Variants in FNDC3A observed in about 807,000 individuals in gnomAD.
FNDC3A encodes the protein fibronectin type III domain containing 3A, also known as fibronectin type-III domain-containing protein 3A.
A neutral mutation model predicts 148.9 loss-of-function variants in FNDC3A; 32 were observed. The ratio of observed to expected loss-of-function variants is 0.21; its 90% CI spans 0.16 to 0.29. FNDC3A has a LOEUF of 0.29. FNDC3A is among the 10% of genes least tolerant of loss of function. The probability of loss-of-function intolerance (pLI) is 1.00; values close to 1 mark genes in which losing one functional copy is unlikely to be tolerated. For missense variants in FNDC3A, 1,191 were observed against 1,452.8 expected, an observed-to-expected ratio of 0.82 and a Z score of 2.93; for synonymous variants, 472 against 473.6, an observed-to-expected ratio of 1.00 and a Z score of 0.04.
intron 5 of FNDC3A, among the ~76,000 whole-genome samples, chr13:49,133,699 C>T (rs1346377145): frequency 1.3e-5 from 2 of 152,160 alleles, no homozygotes; most frequent in African/African-American, 2.4e-5. Flanking sequence ...ACTATGCTCA[C>T]ACATGTATTA....
chr13:48,979,902 T>G (rs1007525570), intron 1 of FNDC3A, among the ~76,000 whole-genome samples: 1 of 152,170 alleles, frequency 6.6e-6, no homozygotes, highest in South Asian at 2.1e-4. Context: ...ACAAGCCATC[T>G]GTGGACTGGA....
At chr13:49,136,143 A>G (rs1882342989) in intron 5 of FNDC3A, among the ~76,000 whole-genome samples, 189 bp from the exon 6 acceptor site, 1 of 152,196 alleles carries the variant, frequency 6.6e-6, no homozygotes, top group Non-Finnish European at 1.5e-5. Context: ...AGATATATAT[A>G]ATTAGAATAA....
At position 49,143,170 on chromosome 13, in the gene FNDC3A, A is replaced by G. The variant is rs555901532; in HGVS notation, c.820-2608A>G. On this transcript the variant is annotated intron_variant, in intron 7 of 25. Coordinates refer to ENST00000492622, the MANE Select transcript of FNDC3A (RefSeq NM_001079673.2). Reference sequence around the variant, plus strand: ...GGCATGAGCCCCTGTGCCCAGCCATAAGATCTTTTTAATAGAATGAGTTAG... The same window carrying G: ...GGCATGAGCCCCTGTGCCCAGCCATGAGATCTTTTTAATAGAATGAGTTAG... 3.3e-5 allele frequency among the ~76,000 whole-genome samples: 5 copies of G among 152,196 alleles called. No individual in the cohort carries two copies. In the East Asian group the frequency reaches 9.7e-4, roughly 29 times the overall value.
Position 49,092,026 on chromosome 13 carries a change from G to T in FNDC3A, c.175+16662G>T, listed in dbSNP as rs187605547. Among the ~76,000 whole-genome samples, 5 of 152,332 alleles carry T rather than the reference G, an allele frequency of 3.3e-5. No homozygotes were observed. The East Asian group carries it at 9.7e-4, about 29-fold the overall frequency. ...CAAAGGAGAGTTGTTATCTGCGGAA[G>T]ATGGCAGGGCCTTGCCCCAAAATCC... On this transcript the variant is annotated intron_variant, in intron 3 of 25. Transcript: ENST00000492622.
chr13:49,022,282 T>G (rs1040461558), intron 2 of FNDC3A, among the ~76,000 whole-genome samples: 1 of 152,090 alleles, frequency 6.6e-6, no homozygotes, highest in African/African-American at 2.4e-5. Flanking sequence ...TAAAGGTGCT[T>G]CCCCCTTTTT....
At chr13:49,086,510 AT>A (rs1333272148) in intron 3 of FNDC3A, among the ~76,000 whole-genome samples, 2 of 152,194 alleles carry the variant, frequency 1.3e-5, no homozygotes, top group East Asian at 3.8e-4. Flanking sequence ...TATTATAAGA[AT>A]TTTTTATAAG....
intron 7 of FNDC3A, among the ~76,000 whole-genome samples, chr13:49,141,272 GA>G (rs1434933773): frequency 2.0e-5 from 3 of 152,108 alleles, no homozygotes; most frequent in African/African-American, 7.2e-5. Flanking sequence ...GTTCTTCTTT[GA>G]AATTGTTCTC....
At chr13:49,048,796 G>A (rs1053516451) in intron 2 of FNDC3A, among the ~76,000 whole-genome samples, 1 of 152,032 alleles carries the variant, frequency 6.6e-6, no homozygotes, top group Non-Finnish European at 1.5e-5. Flanking sequence ...CACCAATTTG[G>A]ATGCCCTTTA....
chr13:49,118,587 G>T (rs916874473), intron 4 of FNDC3A, among the ~76,000 whole-genome samples: 10 of 152,240 alleles, frequency 6.6e-5, no homozygotes, highest in African/African-American at 2.4e-4. Context: ...ACAGAGCTCA[G>T]CAAGCTAAGA....
intron 3 of FNDC3A, among the ~76,000 whole-genome samples, chr13:49,094,670 T>C (rs1879408533): frequency 6.6e-6 from 1 of 152,032 alleles, no homozygotes; most frequent in Non-Finnish European, 1.5e-5. Flanking sequence ...ATTTAAGGAA[T>C]TCGATGAAGT....
Position 49,170,667 on chromosome 13 carries a change from G to A in FNDC3A, c.1177-1376G>A, listed in dbSNP as rs140668741. Among the ~76,000 whole-genome samples, 748 of 152,242 alleles carry A rather than the reference G, an allele frequency of 4.9e-3. 5 individuals are homozygous for A. Among genetic ancestry groups the A allele is most frequent in the African/African-American group, 0.017 (714 of 41,540 alleles). On this transcript the variant is annotated intron_variant, in intron 10 of 25. Transcript: ENST00000492622. ...TACTTTTAATGACTTTGTGATCTGG[G>A]ATGATTTATTTGGTTCTTTGAAGCC...
At chr13:49,116,046 G>A (rs1222482429) in intron 4 of FNDC3A, among the ~76,000 whole-genome samples, 2 of 152,312 alleles carry the variant, frequency 1.3e-5, no homozygotes, top group Admixed American at 6.5e-5. Context: ...GTGGCACCAC[G>A]TACTGAGCTC....
rs918224537 is a variant in FNDC3A, at chr13:49,062,527, A to G, written c.100-12762A>G. Among the ~76,000 whole-genome samples, 3 of 152,264 alleles carry G rather than the reference A, an allele frequency of 2.0e-5. No homozygotes were observed. The South Asian group carries it at 6.2e-4, about 32-fold the overall frequency. The stretch of plus-strand genomic sequence containing the variant: ...TATGCCACACTACTTCCTATTTTTC[A>G]GATTGCTCATGTTCTCTTTCACCCT... On this transcript the variant is annotated intron_variant, in intron 2 of 25. Transcript: ENST00000492622.
At chr13:49,181,182 G>A (rs1885282824) in intron 14 of FNDC3A, among the ~76,000 whole-genome samples, 1 of 152,230 alleles carries the variant, frequency 6.6e-6, no homozygotes, top group African/African-American at 2.4e-5. Context: ...CAAGGAGACA[G>A]TAGGCTGTTG....
At chr13:49,201,618 T>C (rs898626449) in intron 23 of FNDC3A, among the ~76,000 whole-genome samples, 182 bp from the exon 24 acceptor site, 3 of 152,156 alleles carry the variant, frequency 2.0e-5, no homozygotes, top group Non-Finnish European at 4.4e-5. Flanking sequence ...ATCCTATTTT[T>C]CTTAATCTGA....
chr13:49,193,965 A>G (rs1886022734), intron 19 of FNDC3A, among the ~76,000 whole-genome samples: 2 of 152,038 alleles, frequency 1.3e-5, no homozygotes, highest in Non-Finnish European at 2.9e-5. Flanking sequence ...TGACAGATTT[A>G]TATTTGGAAT....
At chr13:49,095,600 T>C (rs1879473374) in intron 3 of FNDC3A, 1 of 152,066 alleles carries the variant, frequency 6.6e-6, no homozygotes, top group Admixed American at 6.6e-5. Flanking sequence ...CCTTCCTTAT[T>C]AAAAATAAAA....
intron 8 of FNDC3A, among the ~76,000 whole-genome samples, chr13:49,162,175 T>C (rs1442560171): frequency 1.3e-5 from 2 of 152,214 alleles, no homozygotes; most frequent in African/African-American, 2.4e-5. Flanking sequence ...TTGGGGAAGT[T>C]CTCCTGGATA....
rs141954379 is a variant in FNDC3A, at chr13:49,067,961, C to T, written c.100-7328C>T. 2.1e-3 allele frequency among the ~76,000 whole-genome samples: 320 copies of T among 151,988 alleles called. 2 individuals are homozygous for T. Among genetic ancestry groups the T allele is most frequent in the African/African-American group, 7.1e-3 (296 of 41,448 alleles). ...GGAATGCTTTAAAAATTTTAAGAAC[C>T]ATAGATTTGTTAGAATCATTAAAAA... On this transcript the variant is annotated intron_variant, in intron 2 of 25. Transcript: ENST00000492622.
Sources: allele counts gnomAD v4.1 joint callset (sites outside exome capture counted in the v4.1 genomes callset), GRCh38; gene constraint gnomAD v4.1.1; transcripts MANE v1.5; gene names NCBI Gene and HGNC (gene_info 2026-07-23, HGNC 2026-07-21).